CLPB: variants seen among roughly 807,000 people sequenced by gnomAD.
The protein encoded by CLPB is mitochondrial disaggregase.
CLPB carries 40 observed loss-of-function variants against 78.4 expected under a neutral mutation model. The ratio of observed to expected loss-of-function variants is 0.51; its 90% confidence interval spans 0.40 to 0.66. The LOEUF is 0.66. CLPB is among the 30% of genes least tolerant of loss of function. The pLI is 0.00. For synonymous variants in CLPB, 333 were observed against 348.0 expected, an observed-to-expected ratio of 0.96 and a Z score of 0.48; for missense variants, 780 against 886.9, an observed-to-expected ratio of 0.88 and a Z score of 1.53.
chr11:72,425,210 C>G (rs566243460), intron 2 of CLPB, among the ~76,000 whole-genome samples: 111 of 152,342 alleles, frequency 7.3e-4, no homozygotes, highest in African/African-American at 2.0e-3. Context: ...CCCCAGTAAA[C>G]TCTTTCTACT....
At chr11:72,314,074 T>G (rs1347618982) in intron 7 of CLPB, among the ~76,000 whole-genome samples, 1 of 152,180 alleles carries the variant, frequency 6.6e-6, no homozygotes, top group Non-Finnish European at 1.5e-5. Context: ...GGGAAGATTA[T>G]GTTTTTGGGC....
At chr11:72,395,981 T>A (rs1278134635) in intron 3 of CLPB, among the ~76,000 whole-genome samples, 1 of 152,216 alleles carries the variant, frequency 6.6e-6, no homozygotes, top group African/African-American at 2.4e-5. Context: ...AGGACAGCAA[T>A]CTGGCTTAGG....
chr11:72,359,366 G>A (rs1464818813), intron 4 of CLPB, among the ~76,000 whole-genome samples: 1 of 152,144 alleles, frequency 6.6e-6, no homozygotes, highest in East Asian at 1.9e-4. Flanking sequence ...ATACCAGAAC[G>A]CCAGAAGAGA....
intron 5 of CLPB, among the ~76,000 whole-genome samples, chr11:72,333,490 G>T (rs1401170883): frequency 6.6e-6 from 1 of 152,226 alleles, no homozygotes; most frequent in African/African-American, 2.4e-5. Flanking sequence ...TCTCCTTTGA[G>T]TTCTATAAAA....
intron 5 of CLPB, among the ~76,000 whole-genome samples, chr11:72,333,246 A>G (rs1196206935): frequency 3.3e-5 from 5 of 152,214 alleles, no homozygotes; most frequent in Non-Finnish European, 7.3e-5. Context: ...TGCTTTCAGG[A>G]CAAAGTGCAA....
chr11:72,393,768 G>T (rs1159912530), intron 3 of CLPB, among the ~76,000 whole-genome samples: 3 of 152,166 alleles, frequency 2.0e-5, no homozygotes, highest in African/African-American at 7.2e-5. Flanking sequence ...TTTTAGTATT[G>T]CTAAGTTTTG....
intron 3 of CLPB, among the ~76,000 whole-genome samples, chr11:72,402,756 A>G (rs1238438785): frequency 2.0e-5 from 3 of 152,238 alleles, no homozygotes; most frequent in African/African-American, 7.2e-5. Context: ...AAAGCCAATG[A>G]CTGAGGGAGC....
At chr11:72,409,571 G>A (rs1320134364) in intron 2 of CLPB, among the ~76,000 whole-genome samples, 1 of 151,990 alleles carries the variant, frequency 6.6e-6, no homozygotes, top group Non-Finnish European at 1.5e-5. Context: ...GCAACAGAGA[G>A]AGGCTCCATG....
intron 4 of CLPB, among the ~76,000 whole-genome samples, chr11:72,365,810 G>T (rs1950931106): frequency 6.6e-6 from 1 of 152,108 alleles, no homozygotes; most frequent in South Asian, 2.1e-4. Context: ...AACGGGGAAA[G>T]GACTCCCTAT....
At chr11:72,345,189 G>C (rs1950490386) in intron 5 of CLPB, among the ~76,000 whole-genome samples, 2 of 152,116 alleles carry the variant, frequency 1.3e-5, no homozygotes, top group African/African-American at 4.8e-5. Flanking sequence ...AGACTTTACT[G>C]TAAAGGCATA....
chr11:72,376,561 T>A (rs1335377137), intron 4 of CLPB, among the ~76,000 whole-genome samples: 71 of 130,658 alleles, frequency 5.4e-4, no homozygotes, highest in Non-Finnish European at 8.8e-4. Context: ...TAGAATTATT[T>A]AAAAAAAAAA....
At chr11:72,396,732 C>G (rs1190485578) in intron 3 of CLPB, among the ~76,000 whole-genome samples, 1 of 152,164 alleles carries the variant, frequency 6.6e-6, no homozygotes, top group Non-Finnish European at 1.5e-5. Context: ...TACTAAAAAT[C>G]AGAATGCATA....
chr11:72,358,824 C>A, intron 5 of CLPB, 56 bp downstream of exon 5: 1 of 141,062 alleles, frequency 7.1e-6, no homozygotes, highest in Non-Finnish European at 1.5e-5. Context: ...CCACCCCCCC[C>A]ACCCCACCCC....
At chr11:72,404,352 G>C (rs1352634847) in intron 2 of CLPB, among the ~76,000 whole-genome samples, 1 of 152,194 alleles carries the variant, frequency 6.6e-6, no homozygotes, top group African/African-American at 2.4e-5. Context: ...TCAAAGGCTT[G>C]GGTTTGAATC....
intron 2 of CLPB, among the ~76,000 whole-genome samples, chr11:72,407,536 G>A (rs922854946): frequency 6.6e-6 from 1 of 152,044 alleles, no homozygotes; most frequent in Non-Finnish European, 1.5e-5. Flanking sequence ...CTCTAAACCT[G>A]CTATCATAGA....
In CLPB at chr11:72,358,973, G is replaced by T. The variant is rs1950780108; in HGVS notation, c.682C>A (p.Leu228Met). The change falls in exon 5 of 16, where the codon CTG becomes ATG. Residue 228 changes from leucine (L) to methionine (M), a missense_variant. Leu to Met is a conservative substitution (Grantham distance 15). Around this residue, in one of 3 missense-constraint regions of CLPB, gnomAD observed 417 missense variants for 414.7 expected, o/e 1.01. Coordinates refer to ENST00000538039, the MANE Select transcript of CLPB (RefSeq NM_001258392.3). ...CCCTTGAAACTGGCGCGGTTGTTCA[G>T]CCTGTTGTTGAAGTCATCCTCTCGG... is the stretch of plus-strand genomic sequence containing the variant. ...ITREDDFNNR[L>M]NNRASFKGCT... 1 of 1,613,570 alleles carries T rather than the reference G, an allele frequency of 6.2e-7. No individual in the cohort carries two copies. The highest frequency in any genetic ancestry group is 8.5e-7 in the Non-Finnish European group (1 of 1,179,962).
intron 2 of CLPB, among the ~76,000 whole-genome samples, chr11:72,429,867 A>G (rs952381138): frequency 1.3e-5 from 2 of 152,388 alleles, no homozygotes; most frequent in African/African-American, 4.8e-5. Context: ...CCCTGCAGGC[A>G]GGCATTTCTA....
At chr11:72,403,879 T>A (rs1248828213) in intron 2 of CLPB, among the ~76,000 whole-genome samples, 1 of 152,222 alleles carries the variant, frequency 6.6e-6, no homozygotes, top group Admixed American at 6.5e-5. Context: ...GTAAATAGAA[T>A]GAACTCTTAC....
chr11:72,299,543 T>G (rs76162665), intron 11 of CLPB, among the ~76,000 whole-genome samples: 2,698 of 152,174 alleles, frequency 0.018, 76 homozygotes, highest in African/African-American at 0.063. Flanking sequence ...CCCTGTACTT[T>G]TATACATTAG....
Sources: allele counts gnomAD v4.1 joint callset (sites outside exome capture counted in the v4.1 genomes callset), GRCh38; gene constraint gnomAD v4.1.1; regional missense constraint gnomAD v4.1.1; transcripts MANE v1.5; gene names NCBI Gene and HGNC (gene_info 2026-07-23, HGNC 2026-07-21).